SYNPR: variants seen among roughly 807,000 people sequenced by gnomAD.
SYNPR encodes synaptoporin.
Under a neutral mutation model 32.9 loss-of-function variants are expected in SYNPR, and 23 were observed. The ratio of observed to expected loss-of-function variants is 0.70; its 90% confidence interval spans 0.50 to 0.99. The LOEUF (loss-of-function observed/expected upper bound fraction) is 0.99, where lower values mean the gene tolerates loss of function less well. Among genes scored for constraint, SYNPR ranks in the 50% least tolerant of loss-of-function variants. The probability of loss-of-function intolerance (pLI) is 0.00; values close to 1 mark genes in which losing one functional copy is unlikely to be tolerated. For missense variants in SYNPR, 318 were observed against 349.3 expected, an observed-to-expected ratio of 0.91 and a Z score of 0.71; for synonymous variants, 146 against 135.9, an observed-to-expected ratio of 1.07 and a Z score of -0.52.
intron 4 of SYNPR, among the ~76,000 whole-genome samples, chr3:63,604,374 A>G (rs1017844111): frequency 8.5e-5 from 13 of 152,064 alleles, no homozygotes; most frequent in African/African-American, 2.7e-4. Context: ...ATTATTTCTT[A>G]TCTTCTGCTG....
At chr3:63,579,266 C>G (rs1171967673) in intron 4 of SYNPR, among the ~76,000 whole-genome samples, 1 of 152,134 alleles carries the variant, frequency 6.6e-6, no homozygotes, top group Non-Finnish European at 1.5e-5. Flanking sequence ...TTGCTCCCAT[C>G]TCAGGGGCTC....
intron 4 of SYNPR, among the ~76,000 whole-genome samples, chr3:63,595,747 A>AAAATTT (rs1483225622): frequency 2.1e-5 from 1 of 47,394 alleles, no homozygotes. Flanking sequence ...ATATATATAT[A>AAAATTT]TATATATATA....
intron 1 of SYNPR, among the ~76,000 whole-genome samples, chr3:63,233,545 C>T (rs1404207438): frequency 6.6e-6 from 1 of 152,134 alleles, no homozygotes; most frequent in Non-Finnish European, 1.5e-5. Context: ...CTCTAGAATT[C>T]CTAAAAGATT....
chr3:63,525,217 A>C (rs1185267879), intron 3 of SYNPR, among the ~76,000 whole-genome samples: 1 of 152,070 alleles, frequency 6.6e-6, no homozygotes, highest in Non-Finnish European at 1.5e-5. Flanking sequence ...GATCCTAAAA[A>C]CTTGAAACCC....
chr3:63,488,958 G>C (rs1458032514), intron 3 of SYNPR, among the ~76,000 whole-genome samples: 2 of 152,184 alleles, frequency 1.3e-5, no homozygotes, highest in Admixed American at 6.5e-5. Flanking sequence ...ATAATTGCAA[G>C]ATTGGAAAAC....
At chr3:63,263,405 G>T (rs1234490261) in intron 2 of SYNPR, among the ~76,000 whole-genome samples, 1 of 152,158 alleles carries the variant, frequency 6.6e-6, no homozygotes, top group African/African-American at 2.4e-5. Flanking sequence ...TACTGGAATT[G>T]TGTGAGCACT....
At chr3:63,508,666 T>C (rs1575682423) in intron 3 of SYNPR, among the ~76,000 whole-genome samples, 1 of 152,072 alleles carries the variant, frequency 6.6e-6, no homozygotes, top group South Asian at 2.1e-4. Context: ...CTGGTTAGGG[T>C]CATGTTACCT....
At chr3:63,254,263 A>T (rs1575576944) in intron 2 of SYNPR, among the ~76,000 whole-genome samples, 1 of 152,286 alleles carries the variant, frequency 6.6e-6, no homozygotes, top group Middle Eastern at 3.4e-3. Flanking sequence ...GCACATGTAT[A>T]CATATGTAAC....
chr3:63,609,038 C>G, intron 4 of SYNPR, 87 bp from the exon 5 acceptor site: 1 of 1,425,082 alleles, frequency 7.0e-7, no homozygotes, highest in Non-Finnish European at 9.3e-7. Flanking sequence ...TTCCAAAAGG[C>G]AAACCAAATA....
intron 2 of SYNPR, among the ~76,000 whole-genome samples, chr3:63,311,715 A>G (rs893697879): frequency 2.6e-5 from 4 of 152,042 alleles, no homozygotes; most frequent in African/African-American, 7.2e-5. Context: ...ATTTCTGTAC[A>G]TATGTGTATA....
chr3:63,280,829 T>A (rs1027670674), intron 2 of SYNPR, among the ~76,000 whole-genome samples: 1 of 152,170 alleles, frequency 6.6e-6, no homozygotes, highest in African/African-American at 2.4e-5. Context: ...TTTGCAGTCC[T>A]TCCCCTCTCT....
intron 4 of SYNPR, among the ~76,000 whole-genome samples, chr3:63,579,788 AACACACACACACAC>A (rs59802344): frequency 1.4e-4 from 20 of 146,184 alleles, no homozygotes; most frequent in African/African-American, 4.5e-4. Flanking sequence ...ATTTAACTAA[AACACACACACACAC>A]ACACACACAC....
At chr3:63,580,091 A>C (rs1703063078) in intron 4 of SYNPR, among the ~76,000 whole-genome samples, 1 of 152,180 alleles carries the variant, frequency 6.6e-6, no homozygotes, top group Admixed American at 6.6e-5. Flanking sequence ...TGAGAACCAA[A>C]GAAGTTGGTG....
Position 63,402,331 on chromosome 3 carries a change from G to T in SYNPR, c.85-78501G>T, listed in dbSNP as rs1190873465. On this transcript the variant is annotated intron_variant, in intron 2 of 5. Transcript: ENST00000478300. ...AGATGTCCCTGGGGCCTGGGGCTAA[G>T]GGTAGAACGGGGAGAGGCAGAATCT... 2.6e-5 allele frequency among the ~76,000 whole-genome samples: 4 copies of T among 152,106 alleles called. No homozygotes were observed. The East Asian group carries it at 7.7e-4, about 29-fold the overall frequency.
At chr3:63,200,797 T>C in the SYNPR span, among the ~76,000 whole-genome samples, 1 of 152,158 alleles carries the variant, frequency 6.6e-6, no homozygotes, top group African/African-American at 2.4e-5. Flanking sequence ...GTGGCAGCAT[T>C]TTGAAGCCAG....
intron 2 of SYNPR, among the ~76,000 whole-genome samples, chr3:63,457,752 A>G (rs921338589): frequency 6.6e-6 from 1 of 152,126 alleles, no homozygotes; most frequent in Non-Finnish European, 1.5e-5. Flanking sequence ...CTCAAACCAT[A>G]TTGTAGACAC....
At chr3:63,243,479 T>TTCTG (rs1431626208) in intron 1 of SYNPR, among the ~76,000 whole-genome samples, 2 of 152,104 alleles carry the variant, frequency 1.3e-5, no homozygotes, top group Non-Finnish European at 2.9e-5. Context: ...AGGGAGATAC[T>TTCTG]TCTGCTATTC....
At chr3:63,609,772 C>T (rs887236922) in intron 5 of SYNPR, among the ~76,000 whole-genome samples, 6 of 152,098 alleles carry the variant, frequency 3.9e-5, no homozygotes, top group South Asian at 4.2e-4. Flanking sequence ...TAGCCAGGCA[C>T]GGTGGCTCAT....
At chr3:63,354,099 G>A (rs1051725007) in intron 2 of SYNPR, among the ~76,000 whole-genome samples, 1 of 152,126 alleles carries the variant, frequency 6.6e-6, no homozygotes, top group Non-Finnish European at 1.5e-5. Context: ...AATAACATGA[G>A]CATTAATAAT....
Sources: allele counts gnomAD v4.1 joint callset (sites outside exome capture counted in the v4.1 genomes callset), GRCh38; gene constraint gnomAD v4.1.1; transcripts MANE v1.5; gene names NCBI Gene and HGNC (gene_info 2026-07-23, HGNC 2026-07-21).